The following CHODL variants were observed in gnomAD, a reference collection of about 807,000 sequenced individuals.
CHODL encodes chondrolectin.
A neutral mutation model predicts 34.5 loss-of-function variants in CHODL; 29 were observed. The ratio of observed to expected loss-of-function variants is 0.84; its 90% CI spans 0.63 to 1.15. The LOEUF is 1.15. Ranked by LOEUF, CHODL falls within the 50% of genes most tolerant of loss-of-function variation. The pLI, the probability that CHODL is intolerant of heterozygous loss-of-function variation, is 0.00. For missense variants in CHODL, 332 were observed against 332.5 expected (o/e 1.00, Z 0.01); for synonymous variants, 125 against 116.1 (o/e 1.08, Z -0.49).
At chr21:17,980,542 G>A (rs973459943) in intron 1 of CHODL, among the ~76,000 whole-genome samples, 13 of 152,276 alleles carry the variant, frequency 8.5e-5, no homozygotes, top group Middle Eastern at 3.4e-3. Flanking sequence ...ACTTGAAAAC[G>A]TTGTAGTTTA....
intron 2 of CHODL, among the ~76,000 whole-genome samples, chr21:18,088,220 T>G (rs1243758579): frequency 6.6e-6 from 1 of 152,032 alleles, no homozygotes; most frequent in Non-Finnish European, 1.5e-5. Context: ...CTCCTAGGCA[T>G]GTAGTATGGG....
chr21:18,157,294 G>A (rs1481202468), intron 2 of CHODL, among the ~76,000 whole-genome samples: 1 of 152,040 alleles, frequency 6.6e-6, no homozygotes, highest in East Asian at 1.9e-4. Flanking sequence ...CCAATTGAGA[G>A]TATCTTCCTA....
At chr21:18,188,763 G>C (rs184420851) in intron 2 of CHODL, among the ~76,000 whole-genome samples, 156 of 152,334 alleles carry the variant, frequency 1.0e-3, no homozygotes, top group African/African-American at 3.6e-3. Flanking sequence ...AATAGACAGA[G>C]AGAGGCTCTC....
intron 1 of CHODL, among the ~76,000 whole-genome samples, chr21:17,939,034 C>G (rs1285335450): frequency 2.0e-5 from 3 of 152,132 alleles, no homozygotes; most frequent in African/African-American, 7.2e-5. Flanking sequence ...TTTGAAAATG[C>G]AAACACATTA....
chr21:18,064,429 GTGTC>G (rs2064706199), intron 2 of CHODL, among the ~76,000 whole-genome samples: 1 of 152,180 alleles, frequency 6.6e-6, no homozygotes, highest in Admixed American at 6.5e-5. Context: ...GGTATACTAA[GTGTC>G]TGCCCCATTA....
chr21:17,989,089 TGGAAATAAAATAGTGTAAATG>T (rs946942157), intron 1 of CHODL, among the ~76,000 whole-genome samples: 10 of 152,214 alleles, frequency 6.6e-5, no homozygotes, highest in African/African-American at 2.4e-4. Flanking sequence ...AGGAATAATT[TGGAAATAAAATAGTGTAAATG>T]GGATTCTTAG....
chr21:18,216,255 A>T (rs2073827065), intron 2 of CHODL, among the ~76,000 whole-genome samples: 1 of 152,202 alleles, frequency 6.6e-6, no homozygotes. Context: ...CCATTACTTC[A>T]AATATTTATC....
chr21:18,253,930 A>T (rs777503558), intron 1 of CHODL, among the ~76,000 whole-genome samples: 6 of 152,082 alleles, frequency 3.9e-5, no homozygotes, highest in Non-Finnish European at 7.4e-5. Flanking sequence ...CTACTATTTT[A>T]TGATTGGTTG....
At chr21:18,113,745 A>G (rs1204375050) in intron 2 of CHODL, among the ~76,000 whole-genome samples, 1 of 152,236 alleles carries the variant, frequency 6.6e-6, no homozygotes, top group Non-Finnish European at 1.5e-5. Context: ...GGGTGGGGAC[A>G]CAAATCCAAG....
intron 1 of CHODL, among the ~76,000 whole-genome samples, chr21:18,023,368 G>A (rs894755306): frequency 2.0e-5 from 3 of 152,144 alleles, no homozygotes; most frequent in Non-Finnish European, 4.4e-5. Context: ...TTATTTACGG[G>A]AGCCAGTTCC....
chr21:18,151,988 C>CTG (rs71941239), intron 2 of CHODL, among the ~76,000 whole-genome samples: 4,298 of 146,556 alleles, frequency 0.029, 157 homozygotes, highest in African/African-American at 0.099. Flanking sequence ...GTATATAACT[C>CTG]TGTGTGTGTG....
intron 2 of CHODL, among the ~76,000 whole-genome samples, chr21:18,142,121 AG>A (rs1422473044): frequency 2.0e-5 from 3 of 152,160 alleles, no homozygotes; most frequent in Non-Finnish European, 2.9e-5. Context: ...TCTTTGACCT[AG>A]CTAGAAAATT....
chr21:18,036,351 A>AT (rs1381861037), intron 2 of CHODL, among the ~76,000 whole-genome samples: 65 of 152,122 alleles, frequency 4.3e-4, no homozygotes, highest in African/African-American at 1.5e-3. Flanking sequence ...ACATGCAAAG[A>AT]TTAACACTCT....
At position 18,256,510 on chromosome 21, in the gene CHODL, C is replaced by G. The variant is rs1568960265; in HGVS notation, c.81C>G (p.Gly27=). 2 of 1,586,764 alleles carry G rather than the reference C, an allele frequency of 1.3e-6. No individual in the cohort carries two copies. Among genetic ancestry groups the G allele is most frequent in the South Asian group, 2.3e-5 (2 of 87,700 alleles). ...TGGGCATCTTTTTTTTTTTTTCAGG[C>G]CAAAAGGTGTGTTTTGCTGACTTCA... ...HGAFCRRVVS[G]QKVCFADFKH... Residue 27 remains glycine (G), a splice_region_variant and synonymous_variant, in exon 2 of 6, where the codon GGC becomes GGG. Coordinates refer to ENST00000299295, the MANE Select transcript of CHODL (RefSeq NM_024944.3).
intron 3 of CHODL, among the ~76,000 whole-genome samples, chr21:18,257,731 A>C (rs1182497695): frequency 6.6e-5 from 10 of 152,142 alleles, no homozygotes; most frequent in Admixed American, 6.6e-4. Flanking sequence ...GAAATCTCCC[A>C]CTACTTGTCA....
In CHODL at chr21:18,216,495, A is replaced by AT. The variant is rs56673098; in HGVS notation, c.-44-40007dup. Among the ~76,000 whole-genome samples the AT allele has an allele frequency of 2.7e-3, 409 of 151,982 alleles. 2 individuals carry two copies. Among genetic ancestry groups the AT allele is most frequent in the African/African-American group, 9.5e-3 (394 of 41,500 alleles). On this transcript the variant is annotated intron_variant, in intron 2 of 6. Transcript: ENST00000400127. ...TCTACTCTCTACTTCTAGGAGATTC[A>AT]TTTTTTTAGCTTCCAAATGTGAGTG...
At chr21:17,930,642 C>A (rs1291415423) in intron 1 of CHODL, among the ~76,000 whole-genome samples, 1 of 152,332 alleles carries the variant, frequency 6.6e-6, no homozygotes, top group East Asian at 1.9e-4. Flanking sequence ...CCCTCCAGGA[C>A]TCATGCACAT....
chr21:17,976,147 T>C lies in CHODL; in HGVS notation c.-144-51725T>C, dbSNP rs1049569416. On this transcript the variant is annotated intron_variant, in intron 1 of 6. Transcript: ENST00000400127. ...TTAGCCAGGCATGGTGGCTCATGCA[T>C]GTAGTCCTAGTTACTTGGGGGGCTA... Among the ~76,000 whole-genome samples, 7 of 151,886 alleles carry C rather than the reference T, an allele frequency of 4.6e-5. No individual in the cohort carries two copies. The East Asian group carries it at 7.7e-4, about 17-fold the overall frequency.
intron 2 of CHODL, among the ~76,000 whole-genome samples, chr21:18,089,484 C>G (rs1330708058): frequency 6.6e-6 from 1 of 151,954 alleles, no homozygotes; most frequent in Non-Finnish European, 1.5e-5. Flanking sequence ...AATAATTTAT[C>G]TCATTAATTT....
Sources: allele counts gnomAD v4.1 joint callset (sites outside exome capture counted in the v4.1 genomes callset), GRCh38; gene constraint gnomAD v4.1.1; transcripts MANE v1.5; gene names NCBI Gene and HGNC (gene_info 2026-07-23, HGNC 2026-07-21).